The following RAB27B variants were observed in gnomAD, a reference collection of about 807,000 sequenced individuals.
RAB27B encodes ras-related protein Rab-27B.
RAB27B carries 15 observed loss-of-function variants against 24.6 expected under a neutral mutation model. The ratio of observed to expected loss-of-function variants is 0.61; its 90% confidence interval spans 0.41 to 0.94. The LOEUF is 0.94. RAB27B is among the 40% of genes least tolerant of loss of function. RAB27B has a pLI of 0.00. For synonymous variants in RAB27B, 105 were observed against 92.5 expected, an observed-to-expected ratio of 1.14 and a Z score of -0.78; for missense variants, 261 against 266.8, an observed-to-expected ratio of 0.98 and a Z score of 0.15.
chr18:54,837,358 T>A (rs1910936712), intron 1 of RAB27B, among the ~76,000 whole-genome samples: 2 of 152,090 alleles, frequency 1.3e-5, no homozygotes. Context: ...AAGGAGAAAT[T>A]ATTATAAAGT....
At position 54,892,175 on chromosome 18, in the gene RAB27B, G is replaced by GT. The variant is rs1234423828; in HGVS notation, c.*2763dup. The GT allele has an allele frequency of 6.6e-6, 1 of 152,030 alleles. No individual in the cohort carries two copies. The highest frequency in any genetic ancestry group is 2.4e-5 in the African/African-American group (1 of 41,398). The allele number at this position is 152,030 out of a possible 1,614,324, so 9.4% of individuals were successfully genotyped here. A position where few individuals can be genotyped will look rare whatever the true frequency, so the allele number is the denominator to read the frequency against. On this transcript the variant is annotated 3_prime_UTR_variant, in exon 6 of 6. Transcript: ENST00000262094. ...GTATCTCCCAATGCTTTAGTAAAAC[G>GT]TATTTAGGAGAAATGTTGAAAATGT...
At chr18:54,801,103 C>T (rs1173591166) in intron 2 of RAB27B, among the ~76,000 whole-genome samples, 3 of 147,870 alleles carry the variant, frequency 2.0e-5, no homozygotes, top group Non-Finnish European at 4.5e-5. Context: ...ACCCCCGTCT[C>T]CTGGCTTCAA....
chr18:54,871,072 T>C (rs1460454272), intron 1 of RAB27B, among the ~76,000 whole-genome samples: 1 of 152,244 alleles, frequency 6.6e-6, no homozygotes, highest in Non-Finnish European at 1.5e-5. Flanking sequence ...AATTTTTTGG[T>C]TGATGTTAAT....
chr18:54,855,013 A>C (rs1055377876), intron 1 of RAB27B, among the ~76,000 whole-genome samples: 1 of 151,982 alleles, frequency 6.6e-6, no homozygotes, highest in Non-Finnish European at 1.5e-5. Context: ...TAATTGTACA[A>C]CTCACTATAA....
intron 2 of RAB27B, among the ~76,000 whole-genome samples, chr18:54,779,949 C>T (rs1469462061): frequency 6.6e-6 from 1 of 151,076 alleles, no homozygotes. Flanking sequence ...CATGTCCCCC[C>T]TCTCCTGACG....
intron 2 of RAB27B, among the ~76,000 whole-genome samples, chr18:54,728,709 T>C (rs1909623360): frequency 6.6e-6 from 1 of 151,350 alleles, no homozygotes; most frequent in African/African-American, 2.4e-5. Context: ...ATCCTGTCTC[T>C]ATCAAAAATA....
At chr18:54,745,135 C>A (rs1910196284) in intron 2 of RAB27B, 2 of 163,512 alleles carry the variant, frequency 1.2e-5, no homozygotes, top group Non-Finnish European at 1.3e-5. Context: ...CCCAGCCTCT[C>A]ACACAGGCAT....
At chr18:54,759,741 A>G (rs1047504543) in intron 2 of RAB27B, among the ~76,000 whole-genome samples, 2 of 152,176 alleles carry the variant, frequency 1.3e-5, no homozygotes, top group Admixed American at 1.3e-4. Flanking sequence ...GTGATAGGGA[A>G]GAAGAGAAGA....
In RAB27B at chr18:54,770,466, C is replaced by G. The variant is rs375071155; in HGVS notation, c.-20+52325C>G. 1.1e-3 allele frequency among the ~76,000 whole-genome samples: 160 copies of G among 152,096 alleles called. 4 individuals carry two copies. The South Asian group carries it at 0.028, about 26-fold the overall frequency. On this transcript the variant is annotated intron_variant, in intron 2 of 4. Transcript: ENST00000586570. ...TCTGTCACTGTCTCCCATCACCCCC[C>G]AGATGGGACCATCTAGTTGCAGAAC...
At chr18:54,748,217 T>A (rs1423289576) in intron 2 of RAB27B, among the ~76,000 whole-genome samples, 2 of 152,148 alleles carry the variant, frequency 1.3e-5, no homozygotes, top group African/African-American at 4.8e-5. Flanking sequence ...TCTTAAGAAT[T>A]TACACATTTC....
chr18:54,809,086 T>C lies in RAB27B; in HGVS notation c.-19-68481T>C, dbSNP rs1051576676. ...ATTTGTGTCACTGAATTGTATTTTC[T>C]TGAGCATTTTTCCAGTTTCTAGTAG... On this transcript the variant is annotated intron_variant, in intron 2 of 4. Transcript: ENST00000586570. Among the ~76,000 whole-genome samples, 6 of 152,336 alleles carry C rather than the reference T, an allele frequency of 3.9e-5. No individual in the cohort carries two copies. In the South Asian group the frequency reaches 8.3e-4, roughly 21 times the overall value.
rs869256244 is a variant in RAB27B, at chr18:54,799,614, A to ATTTT, written c.-19-77922_-19-77919dup. 4.3e-4 allele frequency among the ~76,000 whole-genome samples: 29 copies of ATTTT among 67,580 alleles called. 1 individual carries two copies. The highest frequency in any genetic ancestry group is 1.6e-3 in the African/African-American group (27 of 16,616). 44.3% of individuals were successfully genotyped at this position (67,580 alleles called of 152,430 possible). ...AAATATCAGAATATATAATAAAATGATTTTTTTTTTTTTTTTTTTTTTTTT... is the reference window on the plus strand; with the variant it reads ...AAATATCAGAATATATAATAAAATGATTTTTTTTTTTTTTTTTTTTTTTTTTTTT... On this transcript the variant is annotated intron_variant, in intron 2 of 4. Transcript: ENST00000586570.
intron 2 of RAB27B, among the ~76,000 whole-genome samples, chr18:54,740,998 T>C (rs1171273541): frequency 6.6e-6 from 1 of 152,198 alleles, no homozygotes; most frequent in Admixed American, 6.5e-5. Context: ...TTGGTCATGA[T>C]GATAATCTAA....
chr18:54,889,594 C>A lies in RAB27B; in HGVS notation c.*181C>A. 1.9e-6 allele frequency: 1 copy of A among 529,614 alleles called. No individual in the cohort carries two copies. The highest frequency in any genetic ancestry group is 3.2e-6 in the Non-Finnish European group (1 of 311,448). The allele number at this position is 529,614 out of a possible 1,614,324, so 32.8% of individuals were successfully genotyped here. On this transcript the variant is annotated 3_prime_UTR_variant, in exon 6 of 6. Coordinates refer to ENST00000262094, the MANE Select transcript of RAB27B (RefSeq NM_004163.4). ...GTGTTCAAAAGAATTGACTAGTTAT[C>A]CCTGAGGCCCTTTCAAACATGATCA...
At chr18:54,780,087 C>T (rs1245076941) in intron 2 of RAB27B, among the ~76,000 whole-genome samples, 25 of 126,238 alleles carry the variant, frequency 2.0e-4, no homozygotes, top group Non-Finnish European at 3.5e-4. Flanking sequence ...CGTCTCCGCC[C>T]GTCCTGACAG....
chr18:54,859,004 T>C (rs1911902151), intron 1 of RAB27B, among the ~76,000 whole-genome samples: 1 of 152,166 alleles, frequency 6.6e-6, no homozygotes. Flanking sequence ...GTTATATGTG[T>C]CTTTTTGTTC....
At chr18:54,798,648 C>G (rs1909498146) in intron 2 of RAB27B, among the ~76,000 whole-genome samples, 1 of 152,222 alleles carries the variant, frequency 6.6e-6, no homozygotes, top group African/African-American at 2.4e-5. Context: ...AAAACATAGA[C>G]AGTAGTGGCA....
At chr18:54,848,017 A>G (rs111678935) in intron 1 of RAB27B, among the ~76,000 whole-genome samples, 3,964 of 152,320 alleles carry the variant, frequency 0.026, 167 homozygotes, top group African/African-American at 0.09. Flanking sequence ...TGTTCAGAAA[A>G]CGGAAGTGAG....
chr18:54,866,374 C>T (rs1041442752), intron 1 of RAB27B, among the ~76,000 whole-genome samples: 8 of 152,332 alleles, frequency 5.3e-5, no homozygotes, highest in Middle Eastern at 3.4e-3. Flanking sequence ...CTTCTCACCG[C>T]AACCTCCGCT....
Sources: allele counts gnomAD v4.1 joint callset (sites outside exome capture counted in the v4.1 genomes callset), GRCh38; gene constraint gnomAD v4.1.1; transcripts MANE v1.5; gene names NCBI Gene and HGNC (gene_info 2026-07-23, HGNC 2026-07-21).